CSMD1: variants seen among roughly 807,000 people sequenced by gnomAD.
The protein encoded by CSMD1 is CUB and sushi domain-containing protein 1.
A neutral mutation model predicts 417.5 loss-of-function variants in CSMD1; 213 were observed. That is an observed-to-expected ratio of 0.51 (90% CI 0.46 to 0.57). The LOEUF is 0.57. CSMD1 is among the 20% of genes least tolerant of loss of function. The probability of loss-of-function intolerance (pLI) is 0.00; values close to 1 mark genes in which losing one functional copy is unlikely to be tolerated. For synonymous variants in CSMD1, 2,862 were observed against 1,736.8 expected (o/e 1.65, Z -16.11); for missense variants, 6,923 against 4,529.7 (o/e 1.53, Z -15.17).
At chr8:3,612,475 A>C (rs1273714720) in intron 8 of CSMD1, among the ~76,000 whole-genome samples, 1 of 152,110 alleles carries the variant, frequency 6.6e-6, no homozygotes, top group African/African-American at 2.4e-5. Context: ...CATTTATGGA[A>C]CACTTCACCC....
intron 5 of CSMD1, among the ~76,000 whole-genome samples, chr8:3,848,186 G>A (rs1412667342): frequency 6.6e-6 from 1 of 152,060 alleles, no homozygotes; most frequent in Non-Finnish European, 1.5e-5. Flanking sequence ...ACAGGCAAAA[G>A]CCAATGTCAG....
chr8:3,654,153 T>G (rs1797990258), intron 7 of CSMD1, among the ~76,000 whole-genome samples: 1 of 152,212 alleles, frequency 6.6e-6, no homozygotes, highest in African/African-American at 2.4e-5. Flanking sequence ...ACACCCTGTG[T>G]GCACACACAC....
intron 3 of CSMD1, among the ~76,000 whole-genome samples, chr8:4,116,744 G>C (rs963645882): frequency 7.9e-5 from 12 of 152,046 alleles, no homozygotes; most frequent in African/African-American, 2.7e-4. Flanking sequence ...GGGCGGCTAC[G>C]TGGAGAGGCA....
At chr8:3,167,814 G>C (rs994981737) in intron 37 of CSMD1, among the ~76,000 whole-genome samples, 1 of 152,168 alleles carries the variant, frequency 6.6e-6, no homozygotes, top group Non-Finnish European at 1.5e-5. Flanking sequence ...GCCTCATCAG[G>C]TCCCTGGAAT....
intron 1 of CSMD1, among the ~76,000 whole-genome samples, chr8:4,811,293 T>C (rs748272647): frequency 9.2e-5 from 14 of 152,304 alleles, no homozygotes; most frequent in Middle Eastern, 6.8e-3. Context: ...ATGTCAAACC[T>C]AGTATTAATT....
At chr8:4,078,974 T>C (rs1329279003) in intron 3 of CSMD1, among the ~76,000 whole-genome samples, 2 of 146,848 alleles carry the variant, frequency 1.4e-5, no homozygotes, top group African/African-American at 5.1e-5. Context: ...TCTTCACTTT[T>C]TCCCACAATG....
intron 1 of CSMD1, among the ~76,000 whole-genome samples, chr8:4,764,805 A>G (rs1399195082): frequency 1.4e-5 from 2 of 145,202 alleles, no homozygotes; most frequent in Non-Finnish European, 3.0e-5. Context: ...CCCAGGAGGC[A>G]GAGCTTGCGG....
chr8:4,316,333 C>A (rs1798927721), intron 3 of CSMD1, among the ~76,000 whole-genome samples: 1 of 152,016 alleles, frequency 6.6e-6, no homozygotes, highest in Admixed American at 6.6e-5. Flanking sequence ...ATATTTTATT[C>A]CAAGCGGTTT....
intron 2 of CSMD1, among the ~76,000 whole-genome samples, chr8:4,534,665 A>G (rs1176858149): frequency 6.6e-6 from 1 of 151,656 alleles, no homozygotes; most frequent in African/African-American, 2.4e-5. Flanking sequence ...TTTAGTTCCC[A>G]GTTATAAGTG....
At chr8:4,528,802 TCTC>T (rs1796650533) in intron 2 of CSMD1, among the ~76,000 whole-genome samples, 1 of 134,732 alleles carries the variant, frequency 7.4e-6, no homozygotes, top group Non-Finnish European at 1.6e-5. Flanking sequence ...TCTCTCTCTC[TCTC>T]ATACACACAC....
At chr8:3,804,548 T>C (rs1310042985) in intron 5 of CSMD1, among the ~76,000 whole-genome samples, 2 of 152,218 alleles carry the variant, frequency 1.3e-5, no homozygotes. Flanking sequence ...ATAAATGAGA[T>C]TAGCAAAATG....
chr8:3,254,218 C>A (rs531247510), intron 26 of CSMD1, among the ~76,000 whole-genome samples: 4 of 152,312 alleles, frequency 2.6e-5, no homozygotes, highest in Non-Finnish European at 5.9e-5. Flanking sequence ...TCTCTTCTGG[C>A]TTGTAGAGTT....
chr8:3,594,723 G>A (rs1047567392), intron 8 of CSMD1, among the ~76,000 whole-genome samples: 6 of 152,128 alleles, frequency 3.9e-5, no homozygotes, highest in African/African-American at 1.2e-4. Flanking sequence ...TTTAGTCTCA[G>A]GATATTAACA....
At position 3,826,224 on chromosome 8, in the gene CSMD1, G is replaced by A. The variant is rs139622778; in HGVS notation, c.819-72182C>T. 3.1e-3 allele frequency among the ~76,000 whole-genome samples: 470 copies of A among 152,240 alleles called. 3 individuals are homozygous for A. Among genetic ancestry groups the A allele is most frequent in the African/African-American group, 0.011 (456 of 41,544 alleles). The stretch of plus-strand genomic sequence containing the variant: ...ACGGTGGAGCTGGACACAGTTGCTA[G>A]AAAGATGAAGTGATGCATCTGGTCA... On this transcript the variant is annotated intron_variant, in intron 5 of 69. Coordinates refer to ENST00000635120, the MANE Select transcript of CSMD1 (RefSeq NM_033225.6).
At chr8:3,579,486 A>G (rs543183147) in intron 9 of CSMD1, among the ~76,000 whole-genome samples, 5 of 152,240 alleles carry the variant, frequency 3.3e-5, no homozygotes, top group Non-Finnish European at 5.9e-5. Context: ...GAGTCGCATT[A>G]GAAGCTTTTT....
intron 3 of CSMD1, among the ~76,000 whole-genome samples, chr8:4,139,363 G>C (rs895016025): frequency 6.6e-6 from 1 of 152,120 alleles, no homozygotes; most frequent in Non-Finnish European, 1.5e-5. Context: ...CCAGGTAGAG[G>C]GTATCACAGT....
chr8:4,758,435 G>C (rs1233556952), intron 1 of CSMD1, among the ~76,000 whole-genome samples: 1 of 152,124 alleles, frequency 6.6e-6, no homozygotes, highest in East Asian at 1.9e-4. Flanking sequence ...ATGGCATAAA[G>C]GTGACATAAA....
chr8:3,907,441 C>A, intron 5 of CSMD1, among the ~76,000 whole-genome samples: 1 of 152,068 alleles, frequency 6.6e-6, no homozygotes, highest in Non-Finnish European at 1.5e-5. Flanking sequence ...AGAGATAAAG[C>A]AAAGCTGTCG....
chr8:4,640,924 C>T (rs758836538), intron 1 of CSMD1, among the ~76,000 whole-genome samples: 1 of 149,956 alleles, frequency 6.7e-6, no homozygotes. Flanking sequence ...CGGAAGTCAC[C>T]CTGAAATAAA....
Sources: gnomAD v4.1 joint callset for allele counts (sites outside exome capture counted in the v4.1 genomes callset) on GRCh38, gnomAD v4.1.1 for gene constraint, MANE v1.5 for transcripts, NCBI Gene and HGNC (gene_info 2026-07-23, HGNC 2026-07-21) for gene names.